RPS6KC1: variants seen among roughly 807,000 people sequenced by gnomAD.
RPS6KC1 encodes the protein inactive ribosomal protein S6 kinase delta-1.
Under a neutral mutation model 103.8 loss-of-function variants are expected in RPS6KC1, and 54 were observed. The observed-to-expected ratio is 0.52, with a 90% CI of 0.42 to 0.65. The LOEUF (loss-of-function observed/expected upper bound fraction) is 0.65. RPS6KC1 is among the 30% of genes least tolerant of loss of function. The pLI is 0.00. For missense variants in RPS6KC1, 1,151 were observed against 1,253.8 expected (o/e 0.92, Z 1.24); for synonymous variants, 439 against 438.7 (o/e 1.00, Z -0.01).
At chr1:213,633,893 A>C in the RPS6KC1 span, among the ~76,000 whole-genome samples, 1 of 129,250 alleles carries the variant, frequency 7.7e-6, no homozygotes, top group East Asian at 2.2e-4. Context: ...AAAAAAAAAA[A>C]AAAAAAAAAA....
chr1:213,074,478 G>A (rs2079134027), intron 2 of RPS6KC1, among the ~76,000 whole-genome samples: 1 of 152,146 alleles, frequency 6.6e-6, no homozygotes, highest in South Asian at 2.1e-4. Context: ...GTCCAGATAT[G>A]AACATCAGTA....
chr1:213,433,300 T>C, the RPS6KC1 span, among the ~76,000 whole-genome samples: 9 of 152,242 alleles, frequency 5.9e-5, no homozygotes, highest in African/African-American at 1.9e-4. Context: ...TGTGATTGGA[T>C]CAAGTCTACC....
chr1:213,230,256 A>AG (rs1357367381), intron 8 of RPS6KC1, among the ~76,000 whole-genome samples: 3 of 152,190 alleles, frequency 2.0e-5, no homozygotes, highest in Non-Finnish European at 4.4e-5. Flanking sequence ...AAAATACTTT[A>AG]GGAAACAGTA....
At chr1:213,498,457 C>A in the RPS6KC1 span, among the ~76,000 whole-genome samples, 4 of 148,330 alleles carry the variant, frequency 2.7e-5, no homozygotes, top group East Asian at 1.9e-4. Context: ...CTTTTCTTTT[C>A]TTTTATTTTC....
chr1:213,174,774 T>TC (rs1380922739), intron 7 of RPS6KC1, among the ~76,000 whole-genome samples: 1 of 152,038 alleles, frequency 6.6e-6, no homozygotes, highest in Non-Finnish European at 1.5e-5. Context: ...CTAAAAAGGT[T>TC]CCCCTTAGTT....
At chr1:213,713,577 A>G in the RPS6KC1 span, among the ~76,000 whole-genome samples, 1 of 152,228 alleles carries the variant, frequency 6.6e-6, no homozygotes, top group African/African-American at 2.4e-5. Context: ...GCATTCTCCT[A>G]GGACAGAATT....
the RPS6KC1 span, among the ~76,000 whole-genome samples, chr1:213,786,032 T>C: frequency 6.6e-6 from 1 of 151,914 alleles, no homozygotes; most frequent in Non-Finnish European, 1.5e-5. Context: ...CCAGGAAAAA[T>C]GTTTCTACTC....
At chr1:213,118,802 G>A (rs1253706679) in intron 5 of RPS6KC1, among the ~76,000 whole-genome samples, 1 of 152,080 alleles carries the variant, frequency 6.6e-6, no homozygotes, top group Non-Finnish European at 1.5e-5. Flanking sequence ...TGAGTTCTCA[G>A]TATCTTTGAC....
At chr1:213,117,043 T>C (rs1176071330) in intron 4 of RPS6KC1, among the ~76,000 whole-genome samples, 1 of 152,126 alleles carries the variant, frequency 6.6e-6, no homozygotes, top group Non-Finnish European at 1.5e-5. Flanking sequence ...TATAGAAAAA[T>C]TGTGCAGAAA....
the RPS6KC1 span, among the ~76,000 whole-genome samples, chr1:213,459,214 AG>A: frequency 6.6e-6 from 1 of 152,188 alleles, no homozygotes; most frequent in Non-Finnish European, 1.5e-5. Flanking sequence ...GGTAGAATTC[AG>A]CTGTGAATCC....
the RPS6KC1 span, among the ~76,000 whole-genome samples, chr1:213,639,908 CT>C: frequency 0.062 from 9,424 of 150,806 alleles, 578 homozygotes; most frequent in East Asian, 0.28. Context: ...TAATATTGGC[CT>C]TGTAAAATTA....
chr1:213,195,301 T>C (rs1463203627), intron 8 of RPS6KC1, among the ~76,000 whole-genome samples: 1 of 152,210 alleles, frequency 6.6e-6, no homozygotes, highest in Non-Finnish European at 1.5e-5. Flanking sequence ...ATTTTCTGCC[T>C]ATAATAGTAT....
intron 5 of RPS6KC1, among the ~76,000 whole-genome samples, chr1:213,126,896 A>G (rs1243092861): frequency 2.0e-5 from 3 of 152,166 alleles, no homozygotes; most frequent in Admixed American, 1.3e-4. Flanking sequence ...CTGGCCCTTT[A>G]TAGAAAAAGC....
At chr1:213,238,356 C>T (rs1469191416) in intron 10 of RPS6KC1, among the ~76,000 whole-genome samples, 2 of 152,042 alleles carry the variant, frequency 1.3e-5, no homozygotes, top group Non-Finnish European at 2.9e-5. Flanking sequence ...GGGGAAAAGC[C>T]CATTATGAAT....
chr1:213,341,209 C>T, the RPS6KC1 span, among the ~76,000 whole-genome samples: 2 of 152,200 alleles, frequency 1.3e-5, no homozygotes, highest in Non-Finnish European at 2.9e-5. Flanking sequence ...CTCTCAGACA[C>T]CCACCAAGCT....
At chr1:213,792,366 C>T in the RPS6KC1 span, among the ~76,000 whole-genome samples, 1 of 152,202 alleles carries the variant, frequency 6.6e-6, no homozygotes, top group Non-Finnish European at 1.5e-5. Context: ...CTGTCGGTCA[C>T]TGTCACCTGG....
chr1:213,607,773 A>G, the RPS6KC1 span, among the ~76,000 whole-genome samples: 1 of 151,956 alleles, frequency 6.6e-6, no homozygotes, highest in African/African-American at 2.4e-5. Context: ...CTCAACTTTC[A>G]GAAGTGTTGA....
the RPS6KC1 span, among the ~76,000 whole-genome samples, chr1:213,482,048 C>A: frequency 6.6e-6 from 1 of 152,178 alleles, no homozygotes; most frequent in Non-Finnish European, 1.5e-5. Context: ...CCTGCTTCAC[C>A]TTCTGCCATG....
At chr1:213,411,469 G>A in the RPS6KC1 span, among the ~76,000 whole-genome samples, 49 of 152,326 alleles carry the variant, frequency 3.2e-4, no homozygotes, top group Non-Finnish European at 6.3e-4. Context: ...GCTCAGACTT[G>A]CCAGGGTGGA....
Sources: allele counts gnomAD v4.1 joint callset (sites outside exome capture counted in the v4.1 genomes callset), GRCh38; gene constraint gnomAD v4.1.1; transcripts MANE v1.5; gene names NCBI Gene and HGNC (gene_info 2026-07-23, HGNC 2026-07-21).